FAM227A: variants seen among roughly 807,000 people sequenced by gnomAD.
The protein encoded by FAM227A is family with sequence similarity 227 member A.
Under a neutral mutation model 74.7 loss-of-function variants are expected in FAM227A, and 80 were observed. That is an observed-to-expected ratio of 1.07 (90% CI 0.89 to 1.29). FAM227A has a LOEUF of 1.29. Ranked by LOEUF, FAM227A falls within the 50% of genes most tolerant of loss-of-function variation. The pLI is 0.00. For missense variants in FAM227A, 654 were observed against 683.4 expected, an observed-to-expected ratio of 0.96 and a Z score of 0.48; for synonymous variants, 237 against 241.8, an observed-to-expected ratio of 0.98 and a Z score of 0.19.
chr22:38,595,634 T>G (rs1342988400), intron 15 of FAM227A, among the ~76,000 whole-genome samples: 1 of 152,140 alleles, frequency 6.6e-6, no homozygotes, highest in Non-Finnish European at 1.5e-5. Context: ...CCTGACTAAT[T>G]AGAAAGACAA....
At chr22:38,644,145 C>CAAAA (rs950184744) in intron 3 of FAM227A, among the ~76,000 whole-genome samples, 41 of 43,534 alleles carry the variant, frequency 9.4e-4, no homozygotes, top group African/African-American at 2.4e-3. Flanking sequence ...GACTCCATCT[C>CAAAA]AAAAAAAAAA....
rs888422064 is a variant in FAM227A, at chr22:38,623,237, G to A, written c.893C>T (p.Ser298Leu). The A allele has an allele frequency of 1.3e-5, 20 of 1,551,500 alleles. No individual in the cohort carries two copies. Among genetic ancestry groups the A allele is most frequent in the Non-Finnish European group, 1.7e-5 (19 of 1,146,900 alleles). ...SPQSYDSWDY[S>L]ELDPERFRRE... ...GCGGAATCGCTCTGGGTCTAGTTCCGAGTAGTCCCAGCTGTCATAGCTCTG... is the reference window on the plus strand; with the variant it reads ...GCGGAATCGCTCTGGGTCTAGTTCCAAGTAGTCCCAGCTGTCATAGCTCTG... Residue 298 changes from serine to leucine, a missense_variant, in exon 10 of 17, where the codon TCG becomes TTG. By Grantham distance (145) the Ser-to-Leu change is moderately radical (BLOSUM62 -2). Transcript: ENST00000535113.
chr22:38,613,272 T>TAA lies in FAM227A; in HGVS notation c.1039-5797_1039-5796insTT, dbSNP rs1491274790. Reference sequence around the variant, plus strand: ...TATATAACATATATTATAACATATATTATATATCATATATAATATATATCA... The same window carrying TAA: ...TATATAACATATATTATAACATATATAATATATATCATATATAATATATATCA... On this transcript the variant is annotated intron_variant, in intron 11 of 16. Transcript: ENST00000535113. 2.8e-3 allele frequency among the ~76,000 whole-genome samples: 200 copies of TAA among 72,558 alleles called. 3 individuals are homozygous for TAA. Among genetic ancestry groups the TAA allele is most frequent in the African/African-American group, 0.01 (174 of 16,696 alleles). The allele number at this position is 72,558 out of a possible 152,430, so 47.6% of individuals were successfully genotyped here.
chr22:38,589,693 C>T (rs1034811938), intron 16 of FAM227A, among the ~76,000 whole-genome samples: 1 of 152,194 alleles, frequency 6.6e-6, no homozygotes, highest in African/African-American at 2.4e-5. Context: ...CCATAGGAAT[C>T]AGAATAGCGT....
rs1276924942 is a variant in FAM227A, at chr22:38,582,587, T to C, written c.*3538A>G. On this transcript the variant is annotated 3_prime_UTR_variant, in exon 17 of 17. Transcript: ENST00000535113. ...AAGGGCAGAGACAGGTTTCTTCATATTTAACATCCTGAGAGGCTACAACTC... is the reference window on the plus strand; with the variant it reads ...AAGGGCAGAGACAGGTTTCTTCATACTTAACATCCTGAGAGGCTACAACTC... The C allele has an allele frequency of 2.6e-6, 2 of 768,014 alleles. No individual in the cohort carries two copies. The highest frequency in any genetic ancestry group is 2.8e-5 in the Admixed American group (1 of 35,238). 47.6% of individuals were successfully genotyped at this position (768,014 alleles called of 1,614,324 possible). A position where few individuals can be genotyped will look rare whatever the true frequency, so the allele number is the denominator to read the frequency against.
chr22:38,607,544 T>A, intron 11 of FAM227A, 68 bp from the exon 12 acceptor site: 1 of 1,090,526 alleles, frequency 9.2e-7, no homozygotes, highest in Non-Finnish European at 1.4e-6. Flanking sequence ...AAATTGGCAG[T>A]GAGAGAAATA....
Position 38,645,562 on chromosome 22 carries a change from C to A in FAM227A, c.225+1G>T. 6.4e-7 allele frequency: 1 copy of A among 1,550,698 alleles called. No individual in the cohort carries two copies. Among genetic ancestry groups the A allele is most frequent in the Admixed American group, 2.0e-5 (1 of 50,976 alleles). On this transcript the variant is annotated splice_donor_variant, in intron 3 of 16. Transcript: ENST00000535113. LOFTEE classifies it high-confidence loss of function. ...TCTCAGCTCCAGCATAGGTAACTCA[C>A]CAGGCTGTTGGCCGACGGCTCGGTA...
chr22:38,647,760 C>T (rs879817611), intron 2 of FAM227A, among the ~76,000 whole-genome samples: 1 of 152,180 alleles, frequency 6.6e-6, no homozygotes, highest in Admixed American at 6.6e-5. Flanking sequence ...AAGCAAGGTT[C>T]ACTCTTACTT....
chr22:38,617,955 T>C (rs1192586637), intron 11 of FAM227A, among the ~76,000 whole-genome samples: 1 of 151,852 alleles, frequency 6.6e-6, no homozygotes, highest in African/African-American at 2.4e-5. Context: ...TCTAAAAGAA[T>C]AAACCAATTA....
chr22:38,611,496 T>C (rs772204500), intron 11 of FAM227A, among the ~76,000 whole-genome samples: 53 of 152,174 alleles, frequency 3.5e-4, no homozygotes, highest in Non-Finnish European at 5.7e-4. Context: ...GTAGGTATTC[T>C]GACAAGACAT....
At chr22:38,598,415 G>C (rs1602877696) in intron 14 of FAM227A, among the ~76,000 whole-genome samples, 1 of 152,284 alleles carries the variant, frequency 6.6e-6, no homozygotes, top group East Asian at 1.9e-4. Flanking sequence ...CTCAAATCTA[G>C]GGCTGCATAT....
chr22:38,612,133 C>G (rs1486641621), intron 11 of FAM227A, among the ~76,000 whole-genome samples: 1 of 152,174 alleles, frequency 6.6e-6, no homozygotes, highest in Admixed American at 6.5e-5. Context: ...AATACGGAAG[C>G]CTCCCAGCTG....
chr22:38,652,746 G>A (rs541682141), intron 1 of FAM227A, among the ~76,000 whole-genome samples: 2 of 150,616 alleles, frequency 1.3e-5, no homozygotes, highest in Non-Finnish European at 3.0e-5. Flanking sequence ...GCGTGGTGGC[G>A]GGCTCCTGTA....
rs371740615 is a variant in FAM227A at position 38,586,159 on chromosome 22, A to G, written c.1679T>C (p.Val560Ala). The change falls in exon 17 of 17, where the codon GTT (valine) becomes GCT (alanine). Residue 560 changes from valine (V) to alanine (A), a missense_variant. Physicochemically the swap from Val to Ala is moderately conservative, Grantham distance 64. Coordinates refer to ENST00000535113, the MANE Select transcript of FAM227A (RefSeq NM_001013647.2). Reference sequence around the variant, plus strand: ...GGAAGTGAGTGGAAAGAAATGTTCAACTTCTGTTTCTCTTCTCTTTCCCTC... The same window carrying G: ...GGAAGTGAGTGGAAAGAAATGTTCAGCTTCTGTTTCTCTTCTCTTTCCCTC... ...GGEGKRRETE[V>A]EHFFPLTSKP is the part of the protein sequence containing the mutation. The G allele has an allele frequency of 9.7e-6, 15 of 1,551,652 alleles. No homozygotes were observed. The highest frequency in any genetic ancestry group is 1.3e-5 in the Non-Finnish European group (15 of 1,147,012).
intron 3 of FAM227A, among the ~76,000 whole-genome samples, chr22:38,641,170 G>A (rs2092106551): frequency 2.0e-5 from 3 of 152,070 alleles, no homozygotes; most frequent in Admixed American, 2.0e-4. Context: ...AAGTTTTGGG[G>A]GGAAAGATGG....
At chr22:38,589,298 C>T (rs1365567045) in intron 16 of FAM227A, among the ~76,000 whole-genome samples, 1 of 152,058 alleles carries the variant, frequency 6.6e-6, no homozygotes, top group Non-Finnish European at 1.5e-5. Context: ...GCCCTGCTGA[C>T]ACCTTGACTT....
At chr22:38,630,507 G>C (rs2091895728) in intron 6 of FAM227A, among the ~76,000 whole-genome samples, 1 of 152,190 alleles carries the variant, frequency 6.6e-6, no homozygotes, top group South Asian at 2.1e-4. Context: ...AACACATGGA[G>C]ATGGTCATGG....
chr22:38,628,763 A>G, intron 7 of FAM227A, 71 bp downstream of exon 7: 1 of 955,530 alleles, frequency 1.0e-6, no homozygotes, highest in Non-Finnish European at 1.6e-6. Flanking sequence ...AGCTCATGTC[A>G]AAGAGAATGG....
Position 38,579,877 on chromosome 22 carries a change from A to G in FAM227A, c.*6248T>C, listed in dbSNP as rs773126645. 1 of 152,100 alleles carries G rather than the reference A, an allele frequency of 6.6e-6. No individual in the cohort carries two copies. Among genetic ancestry groups the G allele is most frequent in the African/African-American group, 2.4e-5 (1 of 41,422 alleles). 9.4% of individuals were successfully genotyped at this position (152,100 alleles called of 1,614,324 possible). On this transcript the variant is annotated 3_prime_UTR_variant, in exon 17 of 17. Transcript: ENST00000535113. ...CTCATAAATGCCACATTTTGTTTCA[A>G]TGGGATCCAAATAATGTCCACATGT...
Sources: gnomAD v4.1 joint callset for allele counts (sites outside exome capture counted in the v4.1 genomes callset) on GRCh38, gnomAD v4.1.1 for gene constraint, MANE v1.5 for transcripts, NCBI Gene and HGNC (gene_info 2026-07-23, HGNC 2026-07-21) for gene names.